TSPAN5: variants seen among roughly 807,000 people sequenced by gnomAD.
TSPAN5 encodes tetraspanin 5.
TSPAN5 carries 10 observed loss-of-function variants against 37.1 expected under a neutral mutation model. That is an observed-to-expected ratio of 0.27 (90% confidence interval 0.17 to 0.46). The LOEUF (loss-of-function observed/expected upper bound fraction) is 0.46, where lower values mean the gene tolerates loss of function less well. TSPAN5 is among the 20% of genes least tolerant of loss of function. The probability of loss-of-function intolerance (pLI) is 1.00; values close to 1 mark genes in which losing one functional copy is unlikely to be tolerated. For missense variants in TSPAN5, 195 were observed against 326.6 expected, an observed-to-expected ratio of 0.60 and a Z score of 3.11; for synonymous variants, 110 against 118.9, an observed-to-expected ratio of 0.93 and a Z score of 0.48.
intron 1 of TSPAN5, among the ~76,000 whole-genome samples, chr4:98,522,005 A>G (rs1361395489): frequency 6.6e-6 from 1 of 152,268 alleles, no homozygotes; most frequent in Non-Finnish European, 1.5e-5. Flanking sequence ...AACTGTAAAT[A>G]TTAAAAGTTC....
chr4:98,587,213 G>C (rs1755510695), intron 1 of TSPAN5, among the ~76,000 whole-genome samples: 1 of 152,198 alleles, frequency 6.6e-6, no homozygotes, highest in Non-Finnish European at 1.5e-5. Context: ...ATGCTCTGGG[G>C]GACATGGGCA....
chr4:98,495,190 G>A (rs1753173814), intron 2 of TSPAN5, among the ~76,000 whole-genome samples: 1 of 152,160 alleles, frequency 6.6e-6, no homozygotes, highest in African/African-American at 2.4e-5. Context: ...AGATCTGGCT[G>A]TTCAGTGGTT....
At chr4:98,591,674 G>T in intron 1 of TSPAN5, among the ~76,000 whole-genome samples, 1 of 118,768 alleles carries the variant, frequency 8.4e-6, no homozygotes, top group African/African-American at 3.3e-5. Flanking sequence ...TCATATATTG[G>T]GGTAAATAAA....
At chr4:98,587,805 C>T (rs1379645902) in intron 1 of TSPAN5, among the ~76,000 whole-genome samples, 1 of 152,124 alleles carries the variant, frequency 6.6e-6, no homozygotes, top group Admixed American at 6.6e-5. Flanking sequence ...AGGGGAATCG[C>T]TTGAACTGAG....
intron 1 of TSPAN5, among the ~76,000 whole-genome samples, chr4:98,545,112 T>A (rs1754440665): frequency 6.6e-6 from 1 of 152,112 alleles, no homozygotes; most frequent in Admixed American, 6.5e-5. Flanking sequence ...CCCACCAAAG[T>A]CCATGTCCAT....
chr4:98,483,329 A>G (rs2110260776), intron 3 of TSPAN5: 1 of 152,292 alleles, frequency 6.6e-6, no homozygotes, highest in South Asian at 2.1e-4. Context: ...CAGCCAAGAG[A>G]AAAATGTATT....
chr4:98,656,495 A>G (rs1361467022), intron 1 of TSPAN5, among the ~76,000 whole-genome samples: 3 of 152,142 alleles, frequency 2.0e-5, no homozygotes, highest in African/African-American at 7.2e-5. Flanking sequence ...CTTACTCAAA[A>G]CCGTGGCTAC....
In TSPAN5 at chr4:98,472,501, G is replaced by A. The variant is rs776551668; in HGVS notation, c.*21C>T. On this transcript the variant is annotated 3_prime_UTR_variant, in exon 8 of 8. Transcript: ENST00000305798. ...GAAAGCTGGGTCTGTCCAGTGTCTT[G>A]CAGCAGCGGTTGCAGGGGGTCTACC... 3 of 1,613,348 alleles carry A rather than the reference G, an allele frequency of 1.9e-6. No homozygotes were observed. Among genetic ancestry groups the A allele is most frequent in the South Asian group, 1.1e-5 (1 of 91,026 alleles).
At chr4:98,480,456 C>T (rs920580525) in intron 4 of TSPAN5, among the ~76,000 whole-genome samples, 15 of 152,134 alleles carry the variant, frequency 9.9e-5, no homozygotes, top group Non-Finnish European at 1.0e-4. Context: ...TAAATGGGGC[C>T]GGAGTCAAAG....
chr4:98,534,717 A>C (rs1578974422), intron 1 of TSPAN5, among the ~76,000 whole-genome samples: 1 of 152,316 alleles, frequency 6.6e-6, no homozygotes, highest in Non-Finnish European at 1.5e-5. Flanking sequence ...GGATGCATAT[A>C]TATTTAGGAT....
intron 1 of TSPAN5, among the ~76,000 whole-genome samples, chr4:98,575,174 T>A (rs1329909188): frequency 2.0e-5 from 3 of 151,812 alleles, no homozygotes; most frequent in Non-Finnish European, 4.4e-5. Context: ...AAACTCAACA[T>A]GAACAAAATG....
intron 1 of TSPAN5, among the ~76,000 whole-genome samples, chr4:98,600,987 T>A (rs1755869089): frequency 6.6e-6 from 1 of 152,224 alleles, no homozygotes; most frequent in African/African-American, 2.4e-5. Flanking sequence ...AGCAAATTAA[T>A]CTCCTTGTAC....
At chr4:98,476,593 T>A in intron 5 of TSPAN5, 133 bp from the exon 6 acceptor site, 1 of 748,624 alleles carries the variant, frequency 1.3e-6, no homozygotes, top group Non-Finnish European at 2.3e-6. Context: ...AGCACTATGT[T>A]AAACACTTTA....
At chr4:98,606,960 A>G (rs1756051170) in intron 1 of TSPAN5, among the ~76,000 whole-genome samples, 1 of 152,032 alleles carries the variant, frequency 6.6e-6, no homozygotes, top group Non-Finnish European at 1.5e-5. Flanking sequence ...ATGGCTGCAA[A>G]GGGCCTCCTC....
intron 1 of TSPAN5, among the ~76,000 whole-genome samples, chr4:98,575,635 CA>C (rs1755216240): frequency 6.6e-6 from 1 of 152,066 alleles, no homozygotes; most frequent in Non-Finnish European, 1.5e-5. Context: ...ACAACAGCAG[CA>C]AAATCTCCTT....
At chr4:98,480,868 C>T (rs932151246) in intron 4 of TSPAN5, among the ~76,000 whole-genome samples, 2 of 152,142 alleles carry the variant, frequency 1.3e-5, no homozygotes, top group South Asian at 2.1e-4. Context: ...TACTCCAGGA[C>T]GAAATGTTGC....
intron 1 of TSPAN5, among the ~76,000 whole-genome samples, chr4:98,536,970 A>G (rs1754250026): frequency 6.6e-6 from 1 of 151,956 alleles, no homozygotes; most frequent in South Asian, 2.1e-4. Context: ...GACCACTTGG[A>G]TCCCTGGCTT....
rs534958213 is a variant in TSPAN5 at position 98,574,182 on chromosome 4, C to CA, written c.82-66455dup. 5.4e-3 allele frequency among the ~76,000 whole-genome samples: 815 copies of CA among 152,280 alleles called. 6 individuals carry two copies. The highest frequency in any genetic ancestry group is 8.1e-3 in the Non-Finnish European group (552 of 68,028). On this transcript the variant is annotated intron_variant, in intron 1 of 7. Transcript: ENST00000305798. ...ATTAATCCTCAAGTTAACCCGTTACCAAAAACAGCCAACCTCTCAAACCTT... is the reference window on the plus strand; with the variant it reads ...ATTAATCCTCAAGTTAACCCGTTACCAAAAAACAGCCAACCTCTCAAACCTT...
intron 1 of TSPAN5, among the ~76,000 whole-genome samples, chr4:98,624,185 C>T (rs1395385619): frequency 6.6e-6 from 1 of 151,978 alleles, no homozygotes; most frequent in Admixed American, 6.6e-5. Flanking sequence ...GAAGTTATTA[C>T]CATCCCTGTT....
Sources: allele counts gnomAD v4.1 joint callset (sites outside exome capture counted in the v4.1 genomes callset), GRCh38; gene constraint gnomAD v4.1.1; transcripts MANE v1.5; gene names NCBI Gene and HGNC (gene_info 2026-07-23, HGNC 2026-07-21).